ERCC8: variants seen among roughly 807,000 people sequenced by gnomAD.
ERCC8 encodes the protein ERCC excision repair 8, CSA ubiquitin ligase complex subunit.
A neutral mutation model predicts 54.9 loss-of-function variants in ERCC8; 52 were observed. The ratio of observed to expected loss-of-function variants is 0.95; its 90% CI spans 0.76 to 1.19. The LOEUF is 1.19. ERCC8 is among the 50% of genes most tolerant of loss of function. The probability of loss-of-function intolerance (pLI) is 0.00; values close to 1 mark genes in which losing one functional copy is unlikely to be tolerated. For synonymous variants in ERCC8, 146 were observed against 157.2 expected (o/e 0.93, Z 0.53); for missense variants, 514 against 466.1 (o/e 1.10, Z -0.95).
intron 2 of ERCC8, among the ~76,000 whole-genome samples, chr5:60,927,567 C>T (rs1306090991): frequency 6.6e-6 from 1 of 152,142 alleles, no homozygotes; most frequent in Non-Finnish European, 1.5e-5. Flanking sequence ...TATTTCTCAC[C>T]AACTCTGCCA....
At chr5:60,887,897 C>T (rs918784432) in intron 10 of ERCC8, among the ~76,000 whole-genome samples, 1 of 152,158 alleles carries the variant, frequency 6.6e-6, no homozygotes, top group Non-Finnish European at 1.5e-5. Flanking sequence ...ACCATATGAG[C>T]GTCTACTAAA....
At position 60,871,461 on chromosome 5, in the gene ERCC8, C is replaced by A. The variant is rs1441950182; in HGVS notation, c.*3154G>T. ...GAAAGAACACAGTCTAGGTTAATAA[C>A]TTGGTTTGTGGCAGCAGGGGTAAGG... On this transcript the variant is annotated 3_prime_UTR_variant, in exon 12 of 12. Transcript: ENST00000676185. Among the ~76,000 whole-genome samples the A allele has an allele frequency of 6.6e-6, 1 of 152,040 alleles. No individual in the cohort carries two copies. The highest frequency in any genetic ancestry group is 1.5e-5 in the Non-Finnish European group (1 of 67,986).
chr5:60,920,306 T>C (rs945229821), intron 3 of ERCC8, among the ~76,000 whole-genome samples: 2 of 152,030 alleles, frequency 1.3e-5, no homozygotes, highest in African/African-American at 2.4e-5. Context: ...CCTAAGAATA[T>C]TGACTTCTAC....
Position 60,871,386 on chromosome 5 carries a change from A to G in ERCC8, c.*3229T>C, listed in dbSNP as rs1327070465. Among the ~76,000 whole-genome samples the G allele has an allele frequency of 6.6e-6, 1 of 152,226 alleles. No homozygotes were observed. Among genetic ancestry groups the G allele is most frequent in the East Asian group, 1.9e-4 (1 of 5,200 alleles). On this transcript the variant is annotated 3_prime_UTR_variant, in exon 12 of 12. Coordinates refer to ENST00000676185, the MANE Select transcript of ERCC8 (RefSeq NM_000082.4). ...TTTGTATATCCCAGTTCTGCAAAAT[A>G]AAAATACATCCCCTATATGTCTGCA... is the stretch of plus-strand genomic sequence containing the variant.
Position 60,870,693 on chromosome 5 carries a change from T to C in ERCC8, c.*3922A>G, listed in dbSNP as rs543177784. Among the ~76,000 whole-genome samples the C allele has an allele frequency of 4.1e-5, 6 of 147,128 alleles. No individual in the cohort carries two copies. The highest frequency in any genetic ancestry group is 1.0e-4 in the African/African-American group (4 of 40,120). ...AAAAAAGGGAAGAAAGGAAGAAACATAGAGAGGTCAGTTACATGCAATTTT... is the reference window on the plus strand; with the variant it reads ...AAAAAAGGGAAGAAAGGAAGAAACACAGAGAGGTCAGTTACATGCAATTTT... On this transcript the variant is annotated 3_prime_UTR_variant, in exon 12 of 12. Coordinates refer to ENST00000676185, the MANE Select transcript of ERCC8 (RefSeq NM_000082.4).
rs760389824 is a variant in ERCC8 at position 60,902,475 on chromosome 5, G to A, written c.584C>T (p.Ser195Phe). ...HRQEILAVSWSPRYDYILATA... is the reference protein window; with the variant it reads ...HRQEILAVSWFPRYDYILATA... Reference sequence around the variant, plus strand: ...TGCCAAGATATAGTCATAACGTGGAGACCAGGAAACTGCTAATATTTCTTG... The same window carrying A: ...TGCCAAGATATAGTCATAACGTGGAAACCAGGAAACTGCTAATATTTCTTG... The change falls in exon 7 of 12, where the codon TCT (serine) becomes TTT (phenylalanine). Residue 195 changes from serine to phenylalanine, a missense_variant. By Grantham distance (155) the Ser-to-Phe change is radical. Coordinates refer to ENST00000676185, the MANE Select transcript of ERCC8 (RefSeq NM_000082.4). 6 of 1,612,422 alleles carry A rather than the reference G, an allele frequency of 3.7e-6. No homozygotes were observed. Among genetic ancestry groups the A allele is most frequent in the Non-Finnish European group, 5.1e-6 (6 of 1,178,774 alleles).
At chr5:60,929,815 G>A (rs747729199) in intron 1 of ERCC8, among the ~76,000 whole-genome samples, 1 of 152,000 alleles carries the variant, frequency 6.6e-6, no homozygotes, top group Non-Finnish European at 1.5e-5. Flanking sequence ...AGTATCTAGC[G>A]AATATTAACT....
chr5:60,929,082 C>T, intron 1 of ERCC8, 123 bp from the exon 2 acceptor site: 1 of 649,608 alleles, frequency 1.5e-6, no homozygotes, highest in Non-Finnish European at 2.8e-6. Context: ...TACCACACAT[C>T]CTAACGTATT....
chr5:60,926,171 A>C (rs1287102266), intron 2 of ERCC8, among the ~76,000 whole-genome samples: 1 of 152,200 alleles, frequency 6.6e-6, no homozygotes, highest in Non-Finnish European at 1.5e-5. Flanking sequence ...TTGGCACTAC[A>C]TTCACTGAGT....
chr5:60,916,043 C>G (rs1355422672), intron 4 of ERCC8, among the ~76,000 whole-genome samples: 1 of 151,992 alleles, frequency 6.6e-6, no homozygotes, highest in African/African-American at 2.4e-5. Flanking sequence ...ATTCTTCTCT[C>G]CAGTACCATG....
rs1260531761 is a variant in ERCC8, at chr5:60,886,043, A to C, written c.1122+1397T>G. On this transcript the variant is annotated intron_variant, in intron 11 of 11. Coordinates refer to ENST00000676185, the MANE Select transcript of ERCC8 (RefSeq NM_000082.4). ...CTACATTATTTATATTTCCAACTTA[A>C]AGAACTATATGTATATATATATGTA... 4.0e-5 allele frequency among the ~76,000 whole-genome samples: 6 copies of C among 151,282 alleles called. No individual in the cohort carries two copies. The East Asian group carries it at 1.2e-3, about 29-fold the overall frequency.
At chr5:60,904,023 G>A (rs568638107) in intron 5 of ERCC8, among the ~76,000 whole-genome samples, 3 of 152,048 alleles carry the variant, frequency 2.0e-5, no homozygotes, top group Non-Finnish European at 2.9e-5. Flanking sequence ...TTTCCCCAAC[G>A]ATTATGTGTG....
At chr5:60,927,067 G>C (rs1446381659) in intron 2 of ERCC8, among the ~76,000 whole-genome samples, 1 of 152,166 alleles carries the variant, frequency 6.6e-6, no homozygotes. Flanking sequence ...AATTAACTTA[G>C]AAGAATTTAA....
intron 9 of ERCC8, 99 bp from the exon 10 acceptor site, chr5:60,891,185 G>A: frequency 2.4e-6 from 2 of 819,466 alleles, no homozygotes; most frequent in Non-Finnish European, 3.9e-6. Context: ...CTATAAAAAG[G>A]GCTCTTTTAA....
chr5:60,883,025 CA>C (rs1420953998), intron 11 of ERCC8, among the ~76,000 whole-genome samples: 1 of 151,174 alleles, frequency 6.6e-6, no homozygotes, highest in Non-Finnish European at 1.5e-5. Context: ...GTGGATAAGC[CA>C]CATGAGGGCC....
chr5:60,895,099 G>A (rs1200440311), intron 9 of ERCC8, among the ~76,000 whole-genome samples: 1 of 150,660 alleles, frequency 6.6e-6, no homozygotes, highest in Non-Finnish European at 1.5e-5. Context: ...GAACCTGGGA[G>A]GTGGAGGCTG....
At chr5:60,876,322 T>C (rs1388726845) in intron 11 of ERCC8, among the ~76,000 whole-genome samples, 1 of 152,222 alleles carries the variant, frequency 6.6e-6, no homozygotes. Flanking sequence ...CTGTTGTGAA[T>C]AGTGCCGCAA....
intron 2 of ERCC8, among the ~76,000 whole-genome samples, chr5:60,925,679 T>C (rs1447295282): frequency 6.6e-6 from 1 of 152,192 alleles, no homozygotes; most frequent in Non-Finnish European, 1.5e-5. Flanking sequence ...TCCCACTTAT[T>C]CACAGTTTGG....
At position 60,872,498 on chromosome 5, in the gene ERCC8, A is replaced by T. The variant is rs1200222695; in HGVS notation, c.*2117T>A. ...CAAAGAACCTGAAAAGACAGTTCTCAAAAGAAGACATGCAAATGGCCAGCA... is the reference window on the plus strand; with the variant it reads ...CAAAGAACCTGAAAAGACAGTTCTCTAAAGAAGACATGCAAATGGCCAGCA... On this transcript the variant is annotated 3_prime_UTR_variant, in exon 12 of 12. Coordinates refer to ENST00000676185, the MANE Select transcript of ERCC8 (RefSeq NM_000082.4). Among the ~76,000 whole-genome samples, 2 of 152,226 alleles carry T rather than the reference A, an allele frequency of 1.3e-5. No individual in the cohort carries two copies. Among genetic ancestry groups the T allele is most frequent in the African/African-American group, 4.8e-5 (2 of 41,454 alleles).
Sources: gnomAD v4.1 joint callset for allele counts (sites outside exome capture counted in the v4.1 genomes callset) on GRCh38, gnomAD v4.1.1 for gene constraint, MANE v1.5 for transcripts, NCBI Gene and HGNC (gene_info 2026-07-23, HGNC 2026-07-21) for gene names.